Variants in RBMS3 observed in about 807,000 individuals in gnomAD.
RBMS3 encodes the protein RNA binding motif single stranded interacting protein 3, also known as RNA-binding motif, single-stranded-interacting protein 3.
RBMS3 carries 27 observed loss-of-function variants against 66.8 expected under a neutral mutation model. The ratio of observed to expected loss-of-function variants is 0.40; its 90% CI spans 0.30 to 0.56. RBMS3 has a LOEUF of 0.56. Among genes scored for constraint, RBMS3 ranks in the 20% least tolerant of loss-of-function variants. RBMS3 has a pLI of 0.40. For missense variants in RBMS3, 513 were observed against 549.5 expected, an observed-to-expected ratio of 0.93 and a Z score of 0.66; for synonymous variants, 188 against 183.0, an observed-to-expected ratio of 1.03 and a Z score of -0.22.
chr3:29,851,501 G>A (rs961313171), intron 6 of RBMS3, among the ~76,000 whole-genome samples: 29 of 152,054 alleles, frequency 1.9e-4, no homozygotes, highest in Non-Finnish European at 4.1e-4. Flanking sequence ...CTCAAAAGGG[G>A]TTTCAACTCA....
chr3:29,953,311 G>T (rs1695805718), intron 12 of RBMS3, among the ~76,000 whole-genome samples: 1 of 151,866 alleles, frequency 6.6e-6, no homozygotes, highest in Non-Finnish European at 1.5e-5. Context: ...GACAGAAAAA[G>T]GAGATGTTTG....
rs541917692 is a variant in RBMS3 at position 29,494,335 on chromosome 3, T to G, written c.307+5836T>G. 2.0e-5 allele frequency among the ~76,000 whole-genome samples: 3 copies of G among 152,322 alleles called. No homozygotes were observed. In the South Asian group the frequency reaches 6.2e-4, roughly 32 times the overall value. ...CTAGGTAAGCTTACTCACTTTTTTA[T>G]TCCGGAAGGGGTTATCAGGAACTTT... On this transcript the variant is annotated intron_variant, in intron 3 of 14. Coordinates refer to ENST00000383767, the MANE Select transcript of RBMS3 (RefSeq NM_001003793.3).
At chr3:29,533,358 C>T (rs754240451) in intron 3 of RBMS3, among the ~76,000 whole-genome samples, 2 of 152,116 alleles carry the variant, frequency 1.3e-5, no homozygotes, top group South Asian at 4.2e-4. Flanking sequence ...GGCATATGCC[C>T]TTAGTCTCAG....
chr3:29,772,604 T>C (rs1482457258), intron 6 of RBMS3, among the ~76,000 whole-genome samples: 1 of 151,926 alleles, frequency 6.6e-6, no homozygotes, highest in African/African-American at 2.4e-5. Context: ...GAATGCAGCA[T>C]AGACAAGTGG....
intron 6 of RBMS3, among the ~76,000 whole-genome samples, chr3:29,764,188 G>A (rs1422409043): frequency 6.6e-6 from 1 of 151,956 alleles, no homozygotes; most frequent in Non-Finnish European, 1.5e-5. Context: ...AAAACCTAAA[G>A]TAGCTGATTG....
At chr3:29,712,024 A>T (rs1381082791) in intron 4 of RBMS3, among the ~76,000 whole-genome samples, 2 of 152,246 alleles carry the variant, frequency 1.3e-5, no homozygotes, top group Admixed American at 1.3e-4. Flanking sequence ...TTATGTGATT[A>T]ATTATGGTAG....
intron 1 of RBMS3, among the ~76,000 whole-genome samples, chr3:29,415,739 C>T (rs1339603438): frequency 2.0e-5 from 3 of 151,886 alleles, no homozygotes; most frequent in Non-Finnish European, 4.4e-5. Context: ...ATAGGCAGGA[C>T]TTGGGGCCTG....
At chr3:29,725,365 T>C (rs1046512543) in intron 4 of RBMS3, among the ~76,000 whole-genome samples, 1 of 152,068 alleles carries the variant, frequency 6.6e-6, no homozygotes, top group Non-Finnish European at 1.5e-5. Context: ...ACAACTAAGA[T>C]CACAGCAGAA....
intron 4 of RBMS3, chr3:29,698,728 T>A: frequency 1.9e-6 from 1 of 514,418 alleles, no homozygotes; most frequent in Non-Finnish European, 2.5e-6. Flanking sequence ...TCTTAATGTT[T>A]ATTAAGGAGA....
At chr3:29,911,540 A>G (rs1444485178) in intron 10 of RBMS3, among the ~76,000 whole-genome samples, 1 of 152,026 alleles carries the variant, frequency 6.6e-6, no homozygotes. Flanking sequence ...GTTGAGTGTA[A>G]TATGCAGAGA....
chr3:29,741,027 C>T (rs1464595276), intron 5 of RBMS3, among the ~76,000 whole-genome samples: 11 of 145,244 alleles, frequency 7.6e-5, no homozygotes, highest in Admixed American at 7.1e-5. Context: ...GGCAACACAG[C>T]GAGACTCCAT....
intron 3 of RBMS3, among the ~76,000 whole-genome samples, chr3:29,573,245 C>T (rs755614873): frequency 3.3e-5 from 5 of 152,086 alleles, no homozygotes; most frequent in African/African-American, 7.2e-5. Context: ...CTCAGCCTCC[C>T]GACTAGCTGG....
At chr3:29,894,698 T>C (rs2060085198) in intron 8 of RBMS3, among the ~76,000 whole-genome samples, 1 of 151,526 alleles carries the variant, frequency 6.6e-6, no homozygotes, top group South Asian at 2.1e-4. Flanking sequence ...CATATAAAAA[T>C]AATTTTTTAA....
At chr3:29,306,153 C>A (rs1362623412) in intron 1 of RBMS3, among the ~76,000 whole-genome samples, 1 of 151,874 alleles carries the variant, frequency 6.6e-6, no homozygotes, top group East Asian at 1.9e-4. Context: ...TCTAGTGTTC[C>A]TTGTTTTCAT....
At chr3:29,806,385 T>C (rs1018462023) in intron 6 of RBMS3, among the ~76,000 whole-genome samples, 1 of 151,994 alleles carries the variant, frequency 6.6e-6, no homozygotes, top group African/African-American at 2.4e-5. Context: ...ACAGGTAGCC[T>C]GATCTGATAA....
intron 4 of RBMS3, among the ~76,000 whole-genome samples, chr3:29,701,774 C>G (rs1330046648): frequency 6.6e-6 from 1 of 152,132 alleles, no homozygotes; most frequent in Non-Finnish European, 1.5e-5. Flanking sequence ...TGGCACTGCG[C>G]TGGAATTCTC....
Position 29,897,427 on chromosome 3 carries a change from G to C in RBMS3, c.840G>C (p.Gln280His). Residue 280 changes from glutamine to histidine, a missense_variant, in exon 9 of 15, where the codon CAG becomes CAC. Coordinates refer to ENST00000383767, the MANE Select transcript of RBMS3 (RefSeq NM_001003793.3). ...TTGCAACCAACCGCATGATTCCACAGACATCTATCACGCCATTCATTGCTG... is the reference window on the plus strand; with the variant it reads ...TTGCAACCAACCGCATGATTCCACACACATCTATCACGCCATTCATTGCTG... ...YSIATNRMIP[Q>H]TSITPFIAAS... The C allele has an allele frequency of 6.2e-7, 1 of 1,611,196 alleles. No individual in the cohort carries two copies.
intron 4 of RBMS3, among the ~76,000 whole-genome samples, chr3:29,662,077 T>C (rs202230730): frequency 6.6e-6 from 1 of 152,238 alleles, no homozygotes; most frequent in East Asian, 1.9e-4. Context: ...TGTGACAACA[T>C]TGACCTTTTG....
intron 2 of RBMS3, among the ~76,000 whole-genome samples, chr3:29,473,755 G>A (rs1048544442): frequency 9.2e-5 from 14 of 152,212 alleles, no homozygotes; most frequent in African/African-American, 3.1e-4. Flanking sequence ...GTACTAAGCC[G>A]CTCATTGCCC....
Sources: gnomAD v4.1 joint callset for allele counts (sites outside exome capture counted in the v4.1 genomes callset) on GRCh38, gnomAD v4.1.1 for gene constraint, MANE v1.5 for transcripts, NCBI Gene and HGNC (gene_info 2026-07-23, HGNC 2026-07-21) for gene names.